The following PPM1E variants were observed in gnomAD, a reference collection of about 807,000 sequenced individuals.
PPM1E encodes the protein protein phosphatase, Mg2+/Mn2+ dependent 1E, also known as protein phosphatase 1E.
PPM1E carries 20 observed loss-of-function variants against 65.9 expected under a neutral mutation model. The observed-to-expected ratio is 0.30, with a 90% CI of 0.21 to 0.44. PPM1E has a LOEUF of 0.44. Ranked by LOEUF, PPM1E falls within the 20% of genes least tolerant of loss-of-function variation. The probability of loss-of-function intolerance (pLI) is 1.00; values close to 1 mark genes in which losing one functional copy is unlikely to be tolerated. For missense variants in PPM1E, 713 were observed against 953.1 expected (o/e 0.75, Z 3.32); for synonymous variants, 352 against 374.9 (o/e 0.94, Z 0.70).
intron 1 of PPM1E, among the ~76,000 whole-genome samples, chr17:58,797,752 G>A (rs1040987025): frequency 7.2e-5 from 11 of 152,108 alleles, no homozygotes; most frequent in Admixed American, 6.6e-4. Flanking sequence ...TGGATCATTA[G>A]GTAGGTAGAT....
chr17:58,976,804 G>T (rs184990666), intron 6 of PPM1E, among the ~76,000 whole-genome samples: 24 of 152,290 alleles, frequency 1.6e-4, no homozygotes, highest in South Asian at 4.1e-4. Context: ...CAAACTAACA[G>T]TTGCAGCAGT....
intron 1 of PPM1E, among the ~76,000 whole-genome samples, chr17:58,820,953 A>G (rs191643661): frequency 7.2e-4 from 109 of 152,228 alleles, no homozygotes; most frequent in Middle Eastern, 6.8e-3. Context: ...GTAAAACATA[A>G]CTTGATCTGA....
chr17:58,983,463 G>A lies in PPM1E; in HGVS notation c.*2432G>A, dbSNP rs2031507806. The A allele has an allele frequency of 6.5e-6, 1 of 152,680 alleles. No homozygotes were observed. Among genetic ancestry groups the A allele is most frequent in the African/African-American group, 2.4e-5 (1 of 41,442 alleles). 9.5% of individuals were successfully genotyped at this position (152,680 alleles called of 1,614,324 possible). Reference sequence around the variant, plus strand: ...TGCAGTGTTCTCTCTTAACGCCACTGGTGATAGGAAGTAGTTCCCTTCAGT... The same window carrying A: ...TGCAGTGTTCTCTCTTAACGCCACTAGTGATAGGAAGTAGTTCCCTTCAGT... On this transcript the variant is annotated 3_prime_UTR_variant, in exon 7 of 7. Transcript: ENST00000308249.
At chr17:58,922,801 C>A (rs534493425) in intron 1 of PPM1E, among the ~76,000 whole-genome samples, 1 of 151,512 alleles carries the variant, frequency 6.6e-6, no homozygotes, top group Non-Finnish European at 1.5e-5. Flanking sequence ...TATCCTGCCT[C>A]AGCCTCCTGA....
intron 1 of PPM1E, among the ~76,000 whole-genome samples, chr17:58,932,109 T>G (rs2051907834): frequency 6.6e-6 from 1 of 151,724 alleles, no homozygotes; most frequent in South Asian, 2.1e-4. Flanking sequence ...GACCCTGTCT[T>G]TTTTCAGAAA....
chr17:58,790,616 T>C (rs565463246), intron 1 of PPM1E, among the ~76,000 whole-genome samples: 1 of 152,274 alleles, frequency 6.6e-6, no homozygotes, highest in African/African-American at 2.4e-5. Context: ...TCTGGAAATA[T>C]TTTTCTTGAG....
chr17:58,965,511 T>C (rs550806044), intron 2 of PPM1E, among the ~76,000 whole-genome samples, 183 bp from the exon 3 acceptor site: 2 of 152,200 alleles, frequency 1.3e-5, no homozygotes, highest in Non-Finnish European at 2.9e-5. Context: ...CTGATGATTT[T>C]CCACTAGATA....
chr17:58,916,628 AAAAG>A (rs1268227256), intron 1 of PPM1E, among the ~76,000 whole-genome samples: 1 of 152,152 alleles, frequency 6.6e-6, no homozygotes, highest in Non-Finnish European at 1.5e-5. Context: ...CCTATCTCAA[AAAAG>A]AAAGAAATTA....
chr17:58,908,369 C>T (rs994003643), intron 1 of PPM1E, among the ~76,000 whole-genome samples: 2 of 149,840 alleles, frequency 1.3e-5, no homozygotes, highest in Non-Finnish European at 3.0e-5. Context: ...ATGAGCCACC[C>T]GGCCTGTTGT....
intron 1 of PPM1E, among the ~76,000 whole-genome samples, chr17:58,842,726 G>A (rs2050732066): frequency 6.6e-6 from 1 of 151,376 alleles, no homozygotes; most frequent in Non-Finnish European, 1.5e-5. Flanking sequence ...ATCACTTGAG[G>A]TCAAGAGTTT....
At position 58,931,741 on chromosome 17, in the gene PPM1E, A is replaced by G. The variant is rs372083800; in HGVS notation, c.465-23908A>G. On this transcript the variant is annotated intron_variant, in intron 1 of 6. Coordinates refer to ENST00000308249, the MANE Select transcript of PPM1E (RefSeq NM_014906.5). ...AAAATAATGTGTGATCCAAGGTTTT[A>G]TATCTAGCTTACCTGTTATTTAGGT... Among the ~76,000 whole-genome samples, 4 of 152,180 alleles carry G rather than the reference A, an allele frequency of 2.6e-5. No homozygotes were observed. The East Asian group carries it at 7.7e-4, about 29-fold the overall frequency.
At chr17:58,922,445 GATA>G in intron 1 of PPM1E, among the ~76,000 whole-genome samples, 1 of 151,856 alleles carries the variant, frequency 6.6e-6, no homozygotes, top group Admixed American at 6.6e-5. Context: ...GTAGAGATGG[GATA>G]TTGCTATGTT....
intron 1 of PPM1E, among the ~76,000 whole-genome samples, chr17:58,937,001 A>C (rs185698418): frequency 5.9e-5 from 9 of 152,182 alleles, no homozygotes; most frequent in Admixed American, 5.9e-4. Context: ...AGATGGAATA[A>C]TAAGCTCTTG....
chr17:58,897,769 C>T (rs967065514), intron 1 of PPM1E: 2 of 152,112 alleles, frequency 1.3e-5, no homozygotes, highest in African/African-American at 4.8e-5. Flanking sequence ...ATCTGTAACC[C>T]ACCACCGTGG....
intron 1 of PPM1E, among the ~76,000 whole-genome samples, chr17:58,813,328 T>A (rs1329872385): frequency 1.3e-5 from 2 of 152,228 alleles, no homozygotes; most frequent in Non-Finnish European, 2.9e-5. Flanking sequence ...TTGGAATTTC[T>A]CTTACTATTG....
intron 1 of PPM1E, among the ~76,000 whole-genome samples, chr17:58,894,822 C>T (rs967771188): frequency 7.9e-5 from 12 of 151,842 alleles, no homozygotes; most frequent in African/African-American, 2.2e-4. Flanking sequence ...GAAATTTATT[C>T]GAGTTGATGT....
At chr17:58,882,815 A>G (rs190049788) in intron 1 of PPM1E, among the ~76,000 whole-genome samples, 1 of 152,256 alleles carries the variant, frequency 6.6e-6, no homozygotes, top group African/African-American at 2.4e-5. Flanking sequence ...ATGGGCAGTT[A>G]AGGTTTTATG....
chr17:58,921,612 C>T (rs186324814), intron 1 of PPM1E, among the ~76,000 whole-genome samples: 58 of 150,076 alleles, frequency 3.9e-4, no homozygotes, highest in Admixed American at 9.4e-4. Context: ...TGCAGTGAGC[C>T]GTGATCGTGC....
intron 2 of PPM1E, 45 bp from the exon 3 acceptor site, chr17:58,965,632 CAGAGAAGTGAAAAGCAG>C: frequency 6.6e-7 from 1 of 1,517,158 alleles, no homozygotes; most frequent in South Asian, 1.1e-5. Flanking sequence ...CTTTACCAAG[CAGAGAAGTGAAAAGCAG>C]TTTTACAAGG....
Sources: gnomAD v4.1 joint callset for allele counts (sites outside exome capture counted in the v4.1 genomes callset) on GRCh38, gnomAD v4.1.1 for gene constraint, MANE v1.5 for transcripts, NCBI Gene and HGNC (gene_info 2026-07-23, HGNC 2026-07-21) for gene names.